Variants in SUMF1 observed in about 807,000 individuals in gnomAD.
SUMF1 encodes the protein formylglycine-generating enzyme.
In SUMF1, 48 loss-of-function variants were observed where a neutral mutation model predicts 47.6. The ratio of observed to expected loss-of-function variants is 1.01; its 90% CI spans 0.80 to 1.28. The LOEUF (loss-of-function observed/expected upper bound fraction) is 1.28, where lower values mean the gene tolerates loss of function less well. Among genes scored for constraint, SUMF1 ranks in the 50% most tolerant of loss-of-function variants. The probability of loss-of-function intolerance (pLI) is 0.00; values close to 1 mark genes in which losing one functional copy is unlikely to be tolerated. For missense variants in SUMF1, 571 were observed against 485.4 expected, an observed-to-expected ratio of 1.18 and a Z score of -1.66; for synonymous variants, 230 against 192.1, an observed-to-expected ratio of 1.20 and a Z score of -1.63.
At chr3:4,056,486 C>T (rs888447265) in intron 9 of SUMF1, among the ~76,000 whole-genome samples, 9 of 152,004 alleles carry the variant, frequency 5.9e-5, no homozygotes, top group Admixed American at 1.3e-4. Context: ...CCAGCCTGGG[C>T]CGCATAGTGA....
intron 8 of SUMF1, among the ~76,000 whole-genome samples, chr3:4,350,610 A>G (rs922585199): frequency 4.6e-5 from 7 of 152,274 alleles, no homozygotes; most frequent in African/African-American, 1.7e-4. Flanking sequence ...TGATAACTAA[A>G]AAATAATAAA....
intron 8 of SUMF1, among the ~76,000 whole-genome samples, chr3:4,284,624 G>C (rs1393848043): frequency 6.6e-6 from 1 of 151,876 alleles, no homozygotes; most frequent in East Asian, 1.9e-4. Flanking sequence ...ACTCCAGTGT[G>C]ATATTTTCTT....
chr3:4,208,155 C>T (rs1187913032), intron 8 of SUMF1, among the ~76,000 whole-genome samples: 1 of 151,996 alleles, frequency 6.6e-6, no homozygotes, highest in African/African-American at 2.4e-5. Context: ...TTACCAGAGC[C>T]TACTTCAGAA....
At chr3:4,286,970 G>A (rs758772045) in intron 8 of SUMF1, among the ~76,000 whole-genome samples, 8 of 152,112 alleles carry the variant, frequency 5.3e-5, no homozygotes, top group Non-Finnish European at 1.0e-4. Flanking sequence ...TGGGATACCC[G>A]AGATCATTAC....
intron 8 of SUMF1, among the ~76,000 whole-genome samples, chr3:4,191,251 A>G (rs1695308451): frequency 5.3e-5 from 8 of 152,108 alleles, no homozygotes; most frequent in Admixed American, 5.2e-4. Context: ...GAAGCTAAGG[A>G]GAATATGTGG....
intron 8 of SUMF1, among the ~76,000 whole-genome samples, chr3:4,094,309 AG>A (rs1294926415): frequency 6.6e-6 from 1 of 152,122 alleles, no homozygotes; most frequent in Non-Finnish European, 1.5e-5. Context: ...TAATATGAAT[AG>A]GCACTGGAGA....
chr3:4,433,995 G>A (rs711648), intron 3 of SUMF1, among the ~76,000 whole-genome samples: 35,418 of 152,160 alleles, frequency 0.23, 5,133 homozygotes, highest in Non-Finnish European at 0.32. Flanking sequence ...ACTACAACAT[G>A]GATGAACCTT....
chr3:4,056,879 C>T (rs559580533), intron 9 of SUMF1, among the ~76,000 whole-genome samples: 1 of 152,026 alleles, frequency 6.6e-6, no homozygotes, highest in Admixed American at 6.6e-5. Context: ...GTAGCTGGGA[C>T]TACAGGTGCC....
intron 8 of SUMF1, among the ~76,000 whole-genome samples, chr3:4,315,740 A>G (rs1397049607): frequency 6.6e-6 from 1 of 152,156 alleles, no homozygotes; most frequent in African/African-American, 2.4e-5. Context: ...TTTATAAATT[A>G]TAAGATTCAA....
chr3:4,086,346 C>T (rs1431711427), intron 8 of SUMF1, among the ~76,000 whole-genome samples: 1 of 151,930 alleles, frequency 6.6e-6, no homozygotes, highest in African/African-American at 2.4e-5. Flanking sequence ...CCTTTGTGCC[C>T]TTGGAAAGTC....
intron 7 of SUMF1, among the ~76,000 whole-genome samples, chr3:4,382,359 C>T (rs1289170167): frequency 6.6e-6 from 1 of 151,680 alleles, no homozygotes; most frequent in Non-Finnish European, 1.5e-5. Flanking sequence ...CACACACATC[C>T]TACCTAAAGC....
At chr3:4,264,439 G>A (rs1201347050) in intron 8 of SUMF1, among the ~76,000 whole-genome samples, 1 of 152,162 alleles carries the variant, frequency 6.6e-6, no homozygotes, top group African/African-American at 2.4e-5. Flanking sequence ...GACAAACAGG[G>A]GAGGTTGGAG....
chr3:4,179,937 G>C (rs1366841633), intron 8 of SUMF1, among the ~76,000 whole-genome samples: 1 of 152,084 alleles, frequency 6.6e-6, no homozygotes, highest in African/African-American at 2.4e-5. Context: ...AAAGACACAT[G>C]AAAAAATTCA....
At chr3:4,360,296 T>G (rs1234588753), downstream of SUMF1, among the ~76,000 whole-genome samples, 1 of 145,688 alleles carries the variant, frequency 6.9e-6, no homozygotes, top group Non-Finnish European at 1.5e-5. Context: ...ACCACAAATG[T>G]GGCTAAACGT....
chr3:4,312,703 TAA>T (rs375529794), intron 8 of SUMF1, among the ~76,000 whole-genome samples: 7 of 135,858 alleles, frequency 5.2e-5, no homozygotes, highest in Admixed American at 1.5e-4. Context: ...CCCTGTCTCT[TAA>T]AAAAAAAAAA....
chr3:4,167,818 G>A (rs1037350708), intron 8 of SUMF1, among the ~76,000 whole-genome samples: 2 of 152,116 alleles, frequency 1.3e-5, no homozygotes, highest in Non-Finnish European at 2.9e-5. Context: ...TATATCTCTT[G>A]CTAACTACTT....
chr3:4,129,258 A>G (rs575720031), intron 8 of SUMF1, among the ~76,000 whole-genome samples: 3 of 152,242 alleles, frequency 2.0e-5, no homozygotes, highest in Admixed American at 2.0e-4. Flanking sequence ...CAGGGGCCAA[A>G]TGGTAGCACT....
chr3:4,440,436 G>C (rs1339152224), intron 3 of SUMF1, among the ~76,000 whole-genome samples: 1 of 152,020 alleles, frequency 6.6e-6, no homozygotes, highest in Non-Finnish European at 1.5e-5. Context: ...AATTCCGCTG[G>C]ACCTCAAGGC....
At chr3:4,193,973 C>A (rs1029928252) in intron 8 of SUMF1, among the ~76,000 whole-genome samples, 3 of 151,988 alleles carry the variant, frequency 2.0e-5, no homozygotes, top group African/African-American at 7.3e-5. Flanking sequence ...ACAATACAGG[C>A]CAACGTAAGT....
Sources: gnomAD v4.1 joint callset for allele counts (sites outside exome capture counted in the v4.1 genomes callset) on GRCh38, gnomAD v4.1.1 for gene constraint, MANE v1.5 for transcripts, NCBI Gene and HGNC (gene_info 2026-07-23, HGNC 2026-07-21) for gene names.